The following PPL variants were observed in gnomAD, a reference collection of about 807,000 sequenced individuals.
PPL encodes the protein 190 kDa paraneoplastic pemphigus antigen.
In PPL, 198 loss-of-function variants were observed where a neutral mutation model predicts 194.4. The ratio of observed to expected loss-of-function variants is 1.02; its 90% confidence interval spans 0.91 to 1.15. The LOEUF (loss-of-function observed/expected upper bound fraction) is 1.15. Ranked by LOEUF, PPL falls within the 50% of genes most tolerant of loss-of-function variation. PPL has a pLI of 0.00. For missense variants in PPL, 2,885 were observed against 2,294.8 expected (o/e 1.26, Z -5.25); for synonymous variants, 1,220 against 972.4 (o/e 1.25, Z -4.74).
Position 4,887,244 on chromosome 16 carries a change from TAGG to T in PPL, c.2515-20_2515-18del, listed in dbSNP as rs760030263. 4 of 1,597,480 alleles carry T rather than the reference TAGG, an allele frequency of 2.5e-6. No individual in the cohort carries two copies. Among genetic ancestry groups the T allele is most frequent in the East Asian group, 2.2e-5 (1 of 44,784 alleles). ...TGCTGCTTCCTGCAGAGAAGAGGAT[TAGG>T]AGAGCGGTCAACAAACAGGTGTCAA... On this transcript the variant is annotated intron_variant, in intron 20 of 21. Coordinates refer to ENST00000345988, the MANE Select transcript of PPL (RefSeq NM_002705.5).
intron 1 of PPL, among the ~76,000 whole-genome samples, chr16:4,936,708 G>A (rs1336132330): frequency 6.6e-6 from 1 of 152,146 alleles, no homozygotes; most frequent in Admixed American, 6.5e-5. Flanking sequence ...AGCTGCCCGT[G>A]CCCTAGGCCC....
intron 1 of PPL, among the ~76,000 whole-genome samples, chr16:4,917,321 C>T (rs185351003): frequency 2.0e-5 from 3 of 152,084 alleles, no homozygotes; most frequent in Admixed American, 6.6e-5. Context: ...CTCTATTATT[C>T]GGCCAAAGAA....
chr16:4,913,878 C>G (rs1039199458), intron 1 of PPL, among the ~76,000 whole-genome samples: 1 of 152,160 alleles, frequency 6.6e-6, no homozygotes, highest in Non-Finnish European at 1.5e-5. Flanking sequence ...CTGCTGTGTG[C>G]GGGCCCTGCA....
chr16:4,890,003 G>A (rs2088289298), intron 18 of PPL, among the ~76,000 whole-genome samples, 181 bp downstream of exon 18: 1 of 152,228 alleles, frequency 6.6e-6, no homozygotes. Context: ...CGACACACTC[G>A]GTTCTTGTTC....
At chr16:4,920,341 G>GAA (rs1294847034) in intron 1 of PPL, among the ~76,000 whole-genome samples, 8 of 10,950 alleles carry the variant, frequency 7.3e-4, no homozygotes, top group Admixed American at 5.1e-3. Flanking sequence ...GAAAGAGAGA[G>GAA]AGAGAGAAAG....
Position 4,910,866 on chromosome 16 carries a change from T to C in PPL, c.146A>G (p.Glu49Gly), listed in dbSNP as rs776415533. 5.6e-6 allele frequency: 9 copies of C among 1,613,950 alleles called. No homozygotes were observed. The highest frequency in any genetic ancestry group is 7.6e-6 in the Non-Finnish European group (9 of 1,179,964). The change falls in exon 2 of 22, where the codon GAG (glutamate) becomes GGG (glycine). Residue 49 changes from glutamate to glycine, a missense_variant. By Grantham distance (98) the Glu-to-Gly change is moderately conservative (BLOSUM62 -2). Transcript: ENST00000345988. ...DQVEKNIVDT[E>G]AKMQSDLARL... ...GGCACTCACACTCTGCATCTTGGCCTCTGTGTCCACGATGTTCTTCTCCAC... is the reference window on the plus strand; with the variant it reads ...GGCACTCACACTCTGCATCTTGGCCCCTGTGTCCACGATGTTCTTCTCCAC...
intron 1 of PPL, among the ~76,000 whole-genome samples, chr16:4,926,098 C>G (rs1022547319): frequency 6.6e-6 from 1 of 152,126 alleles, no homozygotes; most frequent in African/African-American, 2.4e-5. Flanking sequence ...TGGCCCACAC[C>G]CTACCCTAGC....
intron 19 of PPL, 133 bp downstream of exon 19, chr16:4,888,845 A>G (rs1174297475): frequency 8.4e-6 from 7 of 833,082 alleles, no homozygotes; most frequent in Non-Finnish European, 1.4e-5. Flanking sequence ...CAGTTTGCAC[A>G]GCAGCCGGCA....
chr16:4,921,446 C>A (rs2089047850), intron 1 of PPL, among the ~76,000 whole-genome samples: 1 of 152,086 alleles, frequency 6.6e-6, no homozygotes, highest in Non-Finnish European at 1.5e-5. Flanking sequence ...GGAGTCAGAG[C>A]CTCAGTAGAC....
chr16:4,908,122 A>G (rs1357359542), intron 2 of PPL, among the ~76,000 whole-genome samples: 1 of 148,038 alleles, frequency 6.8e-6, no homozygotes, highest in African/African-American at 2.5e-5. Context: ...AGATAGCACC[A>G]CTGCACTCCA....
At chr16:4,918,373 C>G (rs2088970786) in intron 1 of PPL, among the ~76,000 whole-genome samples, 1 of 151,772 alleles carries the variant, frequency 6.6e-6, no homozygotes, top group Admixed American at 6.6e-5. Flanking sequence ...TGCCTCTTGT[C>G]TCATTCTCCA....
Position 4,890,820 on chromosome 16 carries a change from G to A in PPL, c.2070C>T (p.Phe690=), listed in dbSNP as rs772589124. 3.8e-6 allele frequency: 6 copies of A among 1,589,518 alleles called. No homozygotes were observed. ...KQCSSTLASR[F]QEHCPDLERQ... ...GCTCCAGGTCCGGACAGTGCTCCTGGAAGCGGCTGGCCAGTGTGCTCGAGC... is the reference window on the plus strand; with the variant it reads ...GCTCCAGGTCCGGACAGTGCTCCTGAAAGCGGCTGGCCAGTGTGCTCGAGC... Residue 690 remains phenylalanine (F), a synonymous_variant, in exon 17 of 22, where the codon TTC becomes TTT. Transcript: ENST00000345988.
chr16:4,885,486 C>T lies in PPL; in HGVS notation c.3169G>A (p.Val1057Met). 6.2e-7 allele frequency: 1 copy of T among 1,612,292 alleles called. No homozygotes were observed. The highest frequency in any genetic ancestry group is 8.5e-7 in the Non-Finnish European group (1 of 1,179,972). ...TGGGGGTCATTCTGCAGTTTCACCA[C>T]CTCTTTCTCTGTGACCTTCTCCTGC... The part of the protein sequence containing the change: ...RAQEKVTEKE[V>M]VKLQNDPQLE... Residue 1057 changes from valine to methionine, a missense_variant, in exon 22 of 22, where the codon GTG becomes ATG. Physicochemically the swap from Val to Met is conservative, Grantham distance 21. Coordinates refer to ENST00000345988, the MANE Select transcript of PPL (RefSeq NM_002705.5). The surrounding 1 kb of genome is among the most constrained non-coding windows in gnomAD (Gnocchi z 6.3).
intron 20 of PPL, among the ~76,000 whole-genome samples, chr16:4,887,545 C>A (rs977012019): frequency 6.6e-6 from 1 of 152,152 alleles, no homozygotes; most frequent in Non-Finnish European, 1.5e-5. Context: ...CTGAGGTGAG[C>A]AAAACAGGAA....
chr16:4,926,878 CA>C lies in PPL; in HGVS notation c.62+10105del, dbSNP rs71402575. On this transcript the variant is annotated intron_variant, in intron 1 of 21. Transcript: ENST00000345988. Reference sequence around the variant, plus strand: ...TGGGCAACAGAGCAAGACTCTGTCTCAAAAAAAAAAAAAACAAAAAAAAACC... The same window carrying C: ...TGGGCAACAGAGCAAGACTCTGTCTCAAAAAAAAAAAAACAAAAAAAAACC... Among the ~76,000 whole-genome samples the C allele has an allele frequency of 5.9e-4, 48 of 81,756 alleles. 1 individual carries two copies. The highest frequency in any genetic ancestry group is 3.9e-3 in the Admixed American group (23 of 5,868). The allele number at this position is 81,756 out of a possible 152,430, so 53.6% of individuals were successfully genotyped here.
rs1242423367 is a variant in PPL at position 4,885,505 on chromosome 16, C to G, written c.3150G>C (p.Glu1050Asp). ...TCACCACCTCTTTCTCTGTGACCTT[C>G]TCCTGCGCCCGGCTCTTCTCTTCAG... ...ALAEEKSRAQ[E>D]KVTEKEVVKL... The change falls in exon 22 of 22, where the codon GAG becomes GAC. Residue 1050 changes from glutamate (E) to aspartate (D), a missense_variant. Physicochemically the swap from Glu to Asp is conservative, Grantham distance 45. Coordinates refer to ENST00000345988, the MANE Select transcript of PPL (RefSeq NM_002705.5). This position sits in a 1 kb window ranked among gnomAD's most constrained non-coding sequence, Gnocchi z 6.3. The G allele has an allele frequency of 6.2e-7, 1 of 1,611,454 alleles. No homozygotes were observed. Among genetic ancestry groups the G allele is most frequent in the Admixed American group, 1.7e-5 (1 of 59,914 alleles).
At chr16:4,935,035 G>C (rs755871300) in intron 1 of PPL, among the ~76,000 whole-genome samples, 3 of 152,186 alleles carry the variant, frequency 2.0e-5, no homozygotes, top group Non-Finnish European at 2.9e-5. Context: ...GCTTCCTGGA[G>C]AAAGAGACGT....
chr16:4,906,828 C>A (rs1049745734), intron 2 of PPL, among the ~76,000 whole-genome samples: 2 of 152,196 alleles, frequency 1.3e-5, no homozygotes, highest in Non-Finnish European at 2.9e-5. Flanking sequence ...GACAGTTACC[C>A]ATCTTGCCAC....
In PPL at chr16:4,894,513, AAC is replaced by A. The variant is rs2088381871; in HGVS notation, c.1346_1347del (p.Cys449PhefsTer9). 5 of 1,613,756 alleles carry A rather than the reference AAC, an allele frequency of 3.1e-6. No individual in the cohort carries two copies. The African/African-American group carries it at 5.3e-5, about 17-fold the overall frequency. On this transcript the variant is annotated frameshift_variant, in exon 12 of 22. Transcript: ENST00000345988. LOFTEE classifies it high-confidence loss of function. Reference sequence around the variant, plus strand: ...TCAGGGTCTGTGGGGGGGATCACAAAACACACGGCCGGAGCAATCAGCTTGTT... The same window carrying A: ...TCAGGGTCTGTGGGGGGGATCACAAAACACGGCCGGAGCAATCAGCTTGTT... Reference protein sequence around the residue: ...AGNKLIAPAVCFVIPPTDPEA... With the variant: ...AGNKLIAPAVXFVIPPTDPEA...
Sources: allele counts gnomAD v4.1 joint callset (sites outside exome capture counted in the v4.1 genomes callset), GRCh38; gene constraint gnomAD v4.1.1; non-coding constraint Gnocchi (gnomAD v3.1); transcripts MANE v1.5; gene names NCBI Gene and HGNC (gene_info 2026-07-23, HGNC 2026-07-21).